The following NLGN1 variants were observed in gnomAD, a reference collection of about 807,000 sequenced individuals.
NLGN1 encodes the protein neuroligin-1.
In NLGN1, 12 loss-of-function variants were observed where a neutral mutation model predicts 65.5. The ratio of observed to expected loss-of-function variants is 0.18; its 90% CI spans 0.12 to 0.30. NLGN1 has a LOEUF of 0.30. NLGN1 is among the 10% of genes least tolerant of loss of function. The probability of loss-of-function intolerance (pLI) is 1.00; values close to 1 mark genes in which losing one functional copy is unlikely to be tolerated. For synonymous variants in NLGN1, 350 were observed against 359.5 expected (o/e 0.97, Z 0.30); for missense variants, 750 against 1,007.1 (o/e 0.74, Z 3.46).
chr3:173,998,881 G>T (rs908630658), intron 4 of NLGN1, among the ~76,000 whole-genome samples: 1 of 152,156 alleles, frequency 6.6e-6, no homozygotes, highest in East Asian at 1.9e-4. Flanking sequence ...CATGCTGAAT[G>T]CCATCACTTG....
At chr3:173,986,243 C>T (rs767708751) in intron 4 of NLGN1, among the ~76,000 whole-genome samples, 9 of 151,816 alleles carry the variant, frequency 5.9e-5, no homozygotes, top group Non-Finnish European at 7.4e-5. Context: ...CCAAGGTGGG[C>T]GGATCACGAG....
chr3:173,603,212 A>G lies in NLGN1; in HGVS notation c.-320-1067A>G, dbSNP rs894389041. 9.2e-5 allele frequency among the ~76,000 whole-genome samples: 14 copies of G among 152,168 alleles called. 1 individual carries two copies. ...ACTTTATTTTCAAAGTAAGCACTTC[A>G]AAAGGTTGCTTGAACAAGAAAAGAC... On this transcript the variant is annotated intron_variant, in intron 2 of 6. Transcript: ENST00000457714.
chr3:173,758,197 G>C (rs7613354), intron 3 of NLGN1, among the ~76,000 whole-genome samples: 127,295 of 152,026 alleles, frequency 0.84, 53,741 homozygotes, highest in East Asian at 1. Flanking sequence ...TGTCTGCAAG[G>C]CAGGAGGAGA....
intron 4 of NLGN1, among the ~76,000 whole-genome samples, chr3:174,248,009 A>G (rs555417543): frequency 5.7e-4 from 87 of 152,238 alleles, no homozygotes; most frequent in Non-Finnish European, 1.0e-3. Context: ...TAATTCATTC[A>G]TATTGGCTGT....
chr3:173,964,240 C>CA (rs1714290541), intron 4 of NLGN1, among the ~76,000 whole-genome samples: 1 of 152,136 alleles, frequency 6.6e-6, no homozygotes, highest in African/African-American at 2.4e-5. Flanking sequence ...GAAGGGCTGC[C>CA]ACAGATGATA....
chr3:173,637,449 A>G (rs57750073), intron 3 of NLGN1, among the ~76,000 whole-genome samples: 3,125 of 152,190 alleles, frequency 0.021, 120 homozygotes, highest in African/African-American at 0.07. Flanking sequence ...TTTTACCACT[A>G]TTTCTTTCAT....
chr3:173,752,678 C>T (rs1020455673), intron 3 of NLGN1, among the ~76,000 whole-genome samples: 2 of 152,060 alleles, frequency 1.3e-5, no homozygotes, highest in African/African-American at 4.8e-5. Flanking sequence ...CTACACTAAA[C>T]ATGGCAGGAA....
intron 3 of NLGN1, among the ~76,000 whole-genome samples, chr3:173,696,286 AT>A (rs1347946249): frequency 6.6e-6 from 1 of 152,062 alleles, no homozygotes; most frequent in Admixed American, 6.5e-5. Flanking sequence ...TTTGATTTTT[AT>A]TTCTGCTTGT....
At chr3:173,785,033 T>A (rs1781741473) in intron 3 of NLGN1, among the ~76,000 whole-genome samples, 1 of 152,178 alleles carries the variant, frequency 6.6e-6, no homozygotes, top group Admixed American at 6.5e-5. Flanking sequence ...AAATGACATT[T>A]ATGCACACAA....
At chr3:173,585,393 G>A (rs1747217158) in intron 2 of NLGN1, among the ~76,000 whole-genome samples, 1 of 152,120 alleles carries the variant, frequency 6.6e-6, no homozygotes, top group South Asian at 2.1e-4. Context: ...GAAATCGCTG[G>A]TGCTTCGGCC....
rs139140927 is a variant in NLGN1 at position 174,183,729 on chromosome 3, A to G, written c.647-91586A>G. ...AACATTCATAATTTAAACTGCCCTA[A>G]AAAGTCCAACCAAATTTTAGCTCAT... On this transcript the variant is annotated intron_variant, in intron 4 of 6. Coordinates refer to ENST00000457714, the Ensembl canonical transcript of NLGN1. 3.3e-4 allele frequency among the ~76,000 whole-genome samples: 50 copies of G among 152,302 alleles called. No homozygotes were observed. The East Asian group carries it at 9.3e-3, about 28-fold the overall frequency.
chr3:173,527,464 C>G (rs538903054), intron 2 of NLGN1, among the ~76,000 whole-genome samples: 1 of 152,302 alleles, frequency 6.6e-6, no homozygotes, highest in African/African-American at 2.4e-5. Context: ...GTGGCACTAT[C>G]TCAGCTCACT....
chr3:173,593,362 A>G (rs1005558558), intron 2 of NLGN1, among the ~76,000 whole-genome samples: 13 of 152,178 alleles, frequency 8.5e-5, no homozygotes, highest in Non-Finnish European at 1.5e-4. Context: ...TTTTGTCTTC[A>G]TGAATATTAG....
At chr3:174,294,227 C>G in the NLGN1 span, among the ~76,000 whole-genome samples, 1 of 151,576 alleles carries the variant, frequency 6.6e-6, no homozygotes, top group African/African-American at 2.4e-5. Context: ...GGTAAAACAT[C>G]TTTTCTTATG....
At chr3:174,085,222 A>C (rs1175326899) in intron 4 of NLGN1, among the ~76,000 whole-genome samples, 1 of 152,022 alleles carries the variant, frequency 6.6e-6, no homozygotes, top group East Asian at 1.9e-4. Flanking sequence ...GTATGTTTGA[A>C]AATTTTCCAG....
intron 4 of NLGN1, among the ~76,000 whole-genome samples, chr3:174,234,797 A>G (rs747552232): frequency 4.6e-5 from 7 of 152,130 alleles, no homozygotes; most frequent in Admixed American, 2.6e-4. Flanking sequence ...TTCCACACTA[A>G]ATCATTCAGT....
chr3:174,150,780 A>G (rs1724169288), intron 4 of NLGN1, among the ~76,000 whole-genome samples: 1 of 152,158 alleles, frequency 6.6e-6, no homozygotes, highest in Admixed American at 6.6e-5. Context: ...GGAGAGTAGA[A>G]AGCCGTAATG....
intron 4 of NLGN1, among the ~76,000 whole-genome samples, chr3:174,064,812 AAAG>A (rs1461211749): frequency 4.0e-5 from 6 of 150,584 alleles, no homozygotes; most frequent in African/African-American, 1.5e-4. Context: ...CAGAGTAAAA[AAAG>A]AAATAAGAAT....
At chr3:173,500,369 T>G (rs1730860250) in intron 2 of NLGN1, among the ~76,000 whole-genome samples, 1 of 152,324 alleles carries the variant, frequency 6.6e-6, no homozygotes, top group African/African-American at 2.4e-5. Flanking sequence ...GATTTGCATA[T>G]GTTGAACCAG....
Sources: gnomAD v4.1 joint callset for allele counts (sites outside exome capture counted in the v4.1 genomes callset) on GRCh38, gnomAD v4.1.1 for gene constraint, MANE v1.5 for transcripts, NCBI Gene and HGNC (gene_info 2026-07-23, HGNC 2026-07-21) for gene names.